Variants in GALNT13 observed in about 807,000 individuals in gnomAD.
GALNT13 encodes the protein polypeptide N-acetylgalactosaminyltransferase 13.
A neutral mutation model predicts 64.2 loss-of-function variants in GALNT13; 28 were observed. The ratio of observed to expected loss-of-function variants is 0.44; its 90% CI spans 0.32 to 0.60. GALNT13 has a LOEUF of 0.60. GALNT13 is among the 20% of genes least tolerant of loss of function. The pLI is 0.05. For missense variants in GALNT13, 577 were observed against 669.8 expected, an observed-to-expected ratio of 0.86 and a Z score of 1.53; for synonymous variants, 214 against 224.6, an observed-to-expected ratio of 0.95 and a Z score of 0.42.
the GALNT13 span, among the ~76,000 whole-genome samples, chr2:153,296,663 G>T: frequency 1.4e-4 from 22 of 152,274 alleles, no homozygotes; most frequent in Admixed American, 1.1e-3. Context: ...GGGCCAGATA[G>T]AAACTGTGTT....
intron 10 of GALNT13, among the ~76,000 whole-genome samples, chr2:154,403,995 A>G (rs1699416381): frequency 6.6e-6 from 1 of 152,194 alleles, no homozygotes; most frequent in Admixed American, 6.5e-5. Context: ...TTTCTAATTT[A>G]TATTATTATT....
At chr2:154,034,753 T>TCCA (rs1698554444) in intron 3 of GALNT13, among the ~76,000 whole-genome samples, 2 of 152,144 alleles carry the variant, frequency 1.3e-5, no homozygotes, top group East Asian at 1.9e-4. Flanking sequence ...TTCATCTGTG[T>TCCA]TGATACAAAA....
chr2:153,654,884 A>G, the GALNT13 span, among the ~76,000 whole-genome samples: 1 of 152,090 alleles, frequency 6.6e-6, no homozygotes, highest in African/African-American at 2.4e-5. Context: ...CTCTGTATCT[A>G]TGTGGCACCT....
the GALNT13 span, among the ~76,000 whole-genome samples, chr2:153,576,259 C>T: frequency 2.0e-5 from 3 of 152,066 alleles, no homozygotes; most frequent in Non-Finnish European, 2.9e-5. Flanking sequence ...GTAGCTGCCC[C>T]GGCTGGTCTC....
At position 153,987,337 on chromosome 2, in the gene GALNT13, A is replaced by G. The variant is rs1470284197; in HGVS notation, c.142+42698A>G. Among the ~76,000 whole-genome samples the G allele has an allele frequency of 2.6e-5, 4 of 151,878 alleles. No individual in the cohort carries two copies. The East Asian group carries it at 7.7e-4, about 29-fold the overall frequency. The stretch of plus-strand genomic sequence containing the variant: ...GTTGGATTTGAGAGCCTCATAATTC[A>G]TCTAGGTGGTTAAATTCTAGTCTGG... On this transcript the variant is annotated intron_variant, in intron 3 of 12. Coordinates refer to ENST00000392825, the MANE Select transcript of GALNT13 (RefSeq NM_052917.4).
At chr2:154,112,919 C>A in intron 3 of GALNT13, among the ~76,000 whole-genome samples, 1 of 152,194 alleles carries the variant, frequency 6.6e-6, no homozygotes, top group East Asian at 1.9e-4. Context: ...TGAGCCACTT[C>A]CTCATGTAAC....
intron 3 of GALNT13, among the ~76,000 whole-genome samples, chr2:153,983,267 G>A (rs1263357340): frequency 2.0e-5 from 3 of 151,396 alleles, no homozygotes; most frequent in African/African-American, 7.3e-5. Context: ...TCTGATGCAG[G>A]GTCTTATAGT....
At chr2:153,569,231 C>G in the GALNT13 span, among the ~76,000 whole-genome samples, 3 of 152,058 alleles carry the variant, frequency 2.0e-5, no homozygotes, top group Admixed American at 6.6e-5. Context: ...TTATTACTTT[C>G]TATTACTATA....
chr2:153,436,096 T>C, the GALNT13 span, among the ~76,000 whole-genome samples: 1 of 152,220 alleles, frequency 6.6e-6, no homozygotes. Flanking sequence ...CATGTGGTTT[T>C]TGTGTTTGGT....
chr2:153,397,101 T>G, the GALNT13 span, among the ~76,000 whole-genome samples: 1 of 152,206 alleles, frequency 6.6e-6, no homozygotes, highest in Non-Finnish European at 1.5e-5. Context: ...TTGCTTCTTC[T>G]ATAAGTATAT....
At chr2:154,245,771 A>G (rs1236430918) in intron 6 of GALNT13, 41 bp from the exon 7 acceptor site, 7 of 1,326,986 alleles carry the variant, frequency 5.3e-6, no homozygotes, top group African/African-American at 1.5e-5. Flanking sequence ...GTAACATTTT[A>G]ATTATCATGT....
chr2:154,184,791 A>T (rs1299177527), intron 4 of GALNT13, among the ~76,000 whole-genome samples: 1 of 152,000 alleles, frequency 6.6e-6, no homozygotes, highest in African/African-American at 2.4e-5. Flanking sequence ...CCAAACCTTT[A>T]CATTTTTTCA....
the GALNT13 span, among the ~76,000 whole-genome samples, chr2:153,278,485 G>T: frequency 6.6e-6 from 1 of 152,070 alleles, no homozygotes; most frequent in African/African-American, 2.4e-5. Context: ...CTTATAGTTT[G>T]AGTTCTTACA....
At chr2:154,253,934 A>G (rs919621256) in intron 7 of GALNT13, among the ~76,000 whole-genome samples, 1 of 152,196 alleles carries the variant, frequency 6.6e-6, no homozygotes, top group Non-Finnish European at 1.5e-5. Context: ...AAGTACACAA[A>G]TAAATATAAT....
intron 4 of GALNT13, among the ~76,000 whole-genome samples, chr2:154,149,102 G>A (rs988230331): frequency 6.6e-6 from 1 of 152,114 alleles, no homozygotes; most frequent in Non-Finnish European, 1.5e-5. Context: ...ATTAATTTTT[G>A]TATAAGGTGT....
the GALNT13 span, among the ~76,000 whole-genome samples, chr2:153,388,522 G>A: frequency 6.6e-6 from 1 of 151,992 alleles, no homozygotes; most frequent in Admixed American, 6.6e-5. Flanking sequence ...TTAGGTCTAT[G>A]GAACATTCTT....
chr2:153,747,390 T>A, the GALNT13 span, among the ~76,000 whole-genome samples: 3 of 151,366 alleles, frequency 2.0e-5, no homozygotes, highest in Non-Finnish European at 4.4e-5. Flanking sequence ...GGTAATCATT[T>A]TTCTATTCTC....
the GALNT13 span, among the ~76,000 whole-genome samples, chr2:153,744,674 C>G: frequency 2.0e-5 from 3 of 151,880 alleles, no homozygotes; most frequent in Non-Finnish European, 4.4e-5. Context: ...TGAGCATGAC[C>G]GAGACCAAAA....
intron 11 of GALNT13, among the ~76,000 whole-genome samples, chr2:154,413,050 T>C (rs1393276165): frequency 6.6e-6 from 1 of 151,952 alleles, no homozygotes; most frequent in African/African-American, 2.4e-5. Flanking sequence ...GTGTCTTCTC[T>C]GTACTTCTGA....
Sources: allele counts gnomAD v4.1 joint callset (sites outside exome capture counted in the v4.1 genomes callset), GRCh38; gene constraint gnomAD v4.1.1; transcripts MANE v1.5; gene names NCBI Gene and HGNC (gene_info 2026-07-23, HGNC 2026-07-21).